SFMBT1: variants seen among roughly 807,000 people sequenced by gnomAD.
SFMBT1 encodes Scm like with four mbt domains 1.
SFMBT1 carries 32 observed loss-of-function variants against 108.7 expected under a neutral mutation model. That is an observed-to-expected ratio of 0.29 (90% CI 0.22 to 0.40). The LOEUF is 0.40. Among genes scored for constraint, SFMBT1 ranks in the 10% least tolerant of loss-of-function variants. SFMBT1 has a pLI of 1.00. For missense variants in SFMBT1, 816 were observed against 1,059.6 expected, an observed-to-expected ratio of 0.77 and a Z score of 3.19; for synonymous variants, 348 against 369.5, an observed-to-expected ratio of 0.94 and a Z score of 0.67.
At chr3:53,033,512 C>G (rs958376203) in intron 1 of SFMBT1, among the ~76,000 whole-genome samples, 3 of 152,024 alleles carry the variant, frequency 2.0e-5, no homozygotes, top group Non-Finnish European at 2.9e-5. Flanking sequence ...CCCCCCTCAA[C>G]TACAAGCTTT....
At chr3:52,962,056 A>C (rs1443586519) in intron 2 of SFMBT1, among the ~76,000 whole-genome samples, 1 of 152,248 alleles carries the variant, frequency 6.6e-6, no homozygotes, top group Non-Finnish European at 1.5e-5. Flanking sequence ...GTTTTAAGAG[A>C]AATGCAAATT....
chr3:53,020,298 G>A (rs1388900566), intron 1 of SFMBT1, among the ~76,000 whole-genome samples: 8 of 151,952 alleles, frequency 5.3e-5, no homozygotes, highest in Admixed American at 6.6e-5. Flanking sequence ...CTGAGACAGG[G>A]GAAATCGCTT....
chr3:52,930,881 G>T, intron 7 of SFMBT1, 60 bp downstream of exon 7: 2 of 1,408,764 alleles, frequency 1.4e-6, no homozygotes, highest in South Asian at 1.2e-5. Flanking sequence ...TTCACCTCCT[G>T]CGTTGCTTTA....
intron 1 of SFMBT1, among the ~76,000 whole-genome samples, chr3:52,986,145 G>GA (rs34923532): frequency 0.26 from 34,187 of 129,978 alleles, 4,487 homozygotes; most frequent in Admixed American, 0.35. Flanking sequence ...TCCGTCTCAG[G>GA]AAAAAAAAAA....
At chr3:52,920,141 G>A (rs1213382495) in intron 12 of SFMBT1, among the ~76,000 whole-genome samples, 1 of 152,232 alleles carries the variant, frequency 6.6e-6, no homozygotes, top group Non-Finnish European at 1.5e-5. Flanking sequence ...AGAACTGTGA[G>A]AGATAAATTT....
intron 10 of SFMBT1, among the ~76,000 whole-genome samples, chr3:52,923,921 G>T (rs1322811318): frequency 6.6e-6 from 1 of 152,050 alleles, no homozygotes; most frequent in Non-Finnish European, 1.5e-5. Flanking sequence ...AAACAGGCTC[G>T]CATCAAGGTT....
chr3:53,017,059 G>A (rs1436734287), intron 1 of SFMBT1, among the ~76,000 whole-genome samples: 1 of 152,142 alleles, frequency 6.6e-6, no homozygotes, highest in African/African-American at 2.4e-5. Flanking sequence ...CTTTTGTTGA[G>A]GATCTACTAT....
intron 3 of SFMBT1, among the ~76,000 whole-genome samples, chr3:52,944,365 G>C (rs1192324966): frequency 1.3e-5 from 2 of 152,126 alleles, no homozygotes; most frequent in Non-Finnish European, 1.5e-5. Flanking sequence ...CAGGCAGATA[G>C]ATGGATGGAT....
chr3:52,941,158 C>T (rs756610413), intron 4 of SFMBT1, among the ~76,000 whole-genome samples: 2 of 152,076 alleles, frequency 1.3e-5, no homozygotes, highest in Non-Finnish European at 2.9e-5. Flanking sequence ...ATAGAATGAA[C>T]ATTGGGAAAA....
intron 1 of SFMBT1, among the ~76,000 whole-genome samples, chr3:52,988,764 A>G (rs1330797147): frequency 2.6e-5 from 4 of 152,350 alleles, no homozygotes; most frequent in East Asian, 3.9e-4. Flanking sequence ...GAGGAAAAAA[A>G]CCAGCCTAGG....
At chr3:52,960,769 C>T (rs1321301880) in intron 2 of SFMBT1, among the ~76,000 whole-genome samples, 1 of 152,120 alleles carries the variant, frequency 6.6e-6, no homozygotes, top group East Asian at 1.9e-4. Context: ...ACCCAAGTGT[C>T]CATCAACAGA....
chr3:52,979,362 T>G (rs969033796), intron 1 of SFMBT1, among the ~76,000 whole-genome samples: 2 of 152,226 alleles, frequency 1.3e-5, no homozygotes, highest in African/African-American at 2.4e-5. Context: ...CCCACTCAGA[T>G]GAAGTCCAAA....
rs552543713 is a variant in SFMBT1, at chr3:52,975,662, C to T, written c.-130-6404G>A. Among the ~76,000 whole-genome samples, 4 of 152,214 alleles carry T rather than the reference C, an allele frequency of 2.6e-5. No homozygotes were observed. The South Asian group carries it at 8.3e-4, about 32-fold the overall frequency. On this transcript the variant is annotated intron_variant, in intron 1 of 20. Coordinates refer to ENST00000394752, the MANE Select transcript of SFMBT1 (RefSeq NM_016329.4). The stretch of plus-strand genomic sequence containing the variant: ...TGTTACCCAGGCTGGAATGTAGTGG[C>T]GCAATCCCGTTTTACTGCAACCTCC...
At chr3:53,022,642 T>G (rs1197444009) in intron 1 of SFMBT1, among the ~76,000 whole-genome samples, 1 of 152,032 alleles carries the variant, frequency 6.6e-6, no homozygotes, top group Non-Finnish European at 1.5e-5. Flanking sequence ...CTATGCTAAG[T>G]GAAATAAGCC....
intron 1 of SFMBT1, among the ~76,000 whole-genome samples, chr3:53,011,362 G>A (rs1328573066): frequency 1.3e-5 from 2 of 152,098 alleles, no homozygotes; most frequent in African/African-American, 4.8e-5. Flanking sequence ...GTGGCAGGAG[G>A]GATCAATCTG....
rs1702622144 is a variant in SFMBT1, at chr3:52,925,117, A to C, written c.1131+914T>G. Among the ~76,000 whole-genome samples the C allele has an allele frequency of 2.0e-5, 3 of 152,026 alleles. 1 individual carries two copies. In the South Asian group the frequency reaches 6.2e-4, roughly 32 times the overall value. On this transcript the variant is annotated intron_variant, in intron 10 of 20. Coordinates refer to ENST00000394752, the MANE Select transcript of SFMBT1 (RefSeq NM_016329.4). ...GCGCCTGTAATCCCAGCTACTTGGG[A>C]GGCCGAGGCAGGAGAATCTCTTGAA...
chr3:52,949,770 G>T (rs1703509124), intron 3 of SFMBT1, among the ~76,000 whole-genome samples: 1 of 151,330 alleles, frequency 6.6e-6, no homozygotes, highest in Non-Finnish European at 1.5e-5. Flanking sequence ...GTAGAAACAG[G>T]GTTTCTCCAT....
intron 1 of SFMBT1, among the ~76,000 whole-genome samples, chr3:53,001,925 T>TCTCTCACAGACA (rs1448849638): frequency 7.7e-6 from 1 of 129,132 alleles, no homozygotes; most frequent in Admixed American, 8.3e-5. Flanking sequence ...ACCCAGTCTC[T>TCTCTCACAGACA]CACACACACA....
intron 1 of SFMBT1, among the ~76,000 whole-genome samples, chr3:53,033,247 G>A (rs756627554): frequency 5.9e-5 from 9 of 151,402 alleles, no homozygotes; most frequent in Non-Finnish European, 1.3e-4. Context: ...TGCAGTCTCC[G>A]CCTCCCAGGT....
Sources: allele counts gnomAD v4.1 joint callset (sites outside exome capture counted in the v4.1 genomes callset), GRCh38; gene constraint gnomAD v4.1.1; transcripts MANE v1.5; gene names NCBI Gene and HGNC (gene_info 2026-07-23, HGNC 2026-07-21).